Variants in CNTN1 observed in about 807,000 individuals in gnomAD.
The protein encoded by CNTN1 is contactin 1.
A neutral mutation model predicts 126.4 loss-of-function variants in CNTN1; 38 were observed. The ratio of observed to expected loss-of-function variants is 0.30; its 90% CI spans 0.23 to 0.39. CNTN1 has a LOEUF of 0.39. CNTN1 is among the 10% of genes least tolerant of loss of function. CNTN1 has a pLI of 1.00. For synonymous variants in CNTN1, 413 were observed against 422.6 expected (o/e 0.98, Z 0.28); for missense variants, 1,009 against 1,248.4 (o/e 0.81, Z 2.89).
chr12:41,037,487 G>A (rs1434687), intron 23 of CNTN1, among the ~76,000 whole-genome samples: 95,938 of 151,904 alleles, frequency 0.63, 31,726 homozygotes, highest in African/African-American at 0.84. Context: ...AGAGCAATAG[G>A]TTATAAATAC....
At chr12:40,900,097 AG>A (rs1400833071) in intron 1 of CNTN1, among the ~76,000 whole-genome samples, 1 of 152,162 alleles carries the variant, frequency 6.6e-6, no homozygotes, top group Non-Finnish European at 1.5e-5. Flanking sequence ...AAAAATCTTA[AG>A]GCTTTGACAG....
chr12:40,766,152 G>A (rs1166360984), intron 1 of CNTN1, among the ~76,000 whole-genome samples: 3 of 152,084 alleles, frequency 2.0e-5, no homozygotes, highest in African/African-American at 7.2e-5. Flanking sequence ...GAGGTCAAGG[G>A]TTCGAGATCA....
At position 40,862,399 on chromosome 12, in the gene CNTN1, G is replaced by A. The variant is rs559576701; in HGVS notation, c.-76-45958G>A. ...TACTGCCTTTCACATTTCTTAAAATGTGGGTTTCCCTTTATGGGGTTTACA... is the reference window on the plus strand; with the variant it reads ...TACTGCCTTTCACATTTCTTAAAATATGGGTTTCCCTTTATGGGGTTTACA... On this transcript the variant is annotated intron_variant, in intron 1 of 23. Coordinates refer to ENST00000551295, the MANE Select transcript of CNTN1 (RefSeq NM_001843.4). 2.2e-4 allele frequency among the ~76,000 whole-genome samples: 33 copies of A among 152,200 alleles called. No individual in the cohort carries two copies. The South Asian group carries it at 6.2e-3, about 29-fold the overall frequency.
chr12:40,997,927 G>C (rs915854612), intron 17 of CNTN1, among the ~76,000 whole-genome samples: 2 of 152,052 alleles, frequency 1.3e-5, no homozygotes, highest in Non-Finnish European at 2.9e-5. Flanking sequence ...ACTGGAATCT[G>C]ATTTTATTCA....
chr12:40,754,529 T>A (rs377141827), intron 1 of CNTN1, among the ~76,000 whole-genome samples: 1 of 152,244 alleles, frequency 6.6e-6, no homozygotes, highest in East Asian at 1.9e-4. Flanking sequence ...TCCTTTTTTA[T>A]CCACAGTTGT....
At chr12:40,794,540 A>G (rs924039862) in intron 1 of CNTN1, among the ~76,000 whole-genome samples, 1 of 152,040 alleles carries the variant, frequency 6.6e-6, no homozygotes, top group Non-Finnish European at 1.5e-5. Context: ...TTTTACCTAA[A>G]TGATATATTG....
chr12:40,886,127 C>T (rs148252493), intron 1 of CNTN1, among the ~76,000 whole-genome samples: 578 of 151,974 alleles, frequency 3.8e-3, no homozygotes, highest in African/African-American at 0.013. Flanking sequence ...ATAATCATAC[C>T]GTATGCAAAA....
chr12:40,993,580 T>G (rs1486471790), intron 17 of CNTN1, among the ~76,000 whole-genome samples: 1 of 152,194 alleles, frequency 6.6e-6, no homozygotes, highest in East Asian at 1.9e-4. Context: ...ATGACGTAAG[T>G]ATTTAGATTA....
At chr12:41,049,604 G>A (rs1360146585) in intron 23 of CNTN1, among the ~76,000 whole-genome samples, 1 of 152,180 alleles carries the variant, frequency 6.6e-6, no homozygotes, top group Non-Finnish European at 1.5e-5. Context: ...CCATCTAATT[G>A]TGCTCTTCGC....
intron 2 of CNTN1, 137 bp downstream of exon 2, chr12:40,908,630 A>C: frequency 1.7e-6 from 1 of 592,804 alleles, no homozygotes; most frequent in Non-Finnish European, 2.9e-6. Flanking sequence ...ATATGTATCA[A>C]GGGTGACCCT....
intron 15 of CNTN1, among the ~76,000 whole-genome samples, chr12:40,978,437 T>A (rs1226368697): frequency 6.6e-6 from 1 of 152,024 alleles, no homozygotes; most frequent in Non-Finnish European, 1.5e-5. Context: ...CACCTCTTCA[T>A]GATGATATAG....
Position 40,818,388 on chromosome 12 carries a change from T to G in CNTN1, c.-76-89969T>G, listed in dbSNP as rs114891440. Among the ~76,000 whole-genome samples the G allele has an allele frequency of 6.8e-3, 1,036 of 152,232 alleles. 9 individuals are homozygous for G. The highest frequency in any genetic ancestry group is 0.024 in the African/African-American group (982 of 41,550). On this transcript the variant is annotated intron_variant, in intron 1 of 23. Transcript: ENST00000551295. Reference sequence around the variant, plus strand: ...TCCTTTTCATTCTTTTTTTCTCTATTCTTGTCCGCATGTTTTATTTCAGTA... The same window carrying G: ...TCCTTTTCATTCTTTTTTTCTCTATGCTTGTCCGCATGTTTTATTTCAGTA...
rs147601548 is a variant in CNTN1 at position 41,042,017 on chromosome 12, G to A, written c.2980+12798G>A. 3.9e-3 allele frequency among the ~76,000 whole-genome samples: 592 copies of A among 151,956 alleles called. 7 individuals carry two copies. The highest frequency in any genetic ancestry group is 0.014 in the African/African-American group (569 of 41,440). On this transcript the variant is annotated intron_variant, in intron 23 of 23. Coordinates refer to ENST00000551295, the MANE Select transcript of CNTN1 (RefSeq NM_001843.4). ...TTTTAATTGTGATGTTAGGGTGTCA[G>A]TTTTGGATCTTTCCTGCTTTCTCTT...
At chr12:41,014,322 A>G (rs1249227963) in intron 18 of CNTN1, 24 bp downstream of exon 18, 1 of 1,611,428 alleles carries the variant, frequency 6.2e-7, no homozygotes. Context: ...AGTTGCACAT[A>G]TTATAGGTTG....
intron 23 of CNTN1, among the ~76,000 whole-genome samples, chr12:41,033,148 TTCTA>T (rs555859843): frequency 4.1e-4 from 62 of 152,358 alleles, no homozygotes; most frequent in South Asian, 3.1e-3. Context: ...GTAACTGCAC[TTCTA>T]TCTGACTTGA....
chr12:41,030,663 T>C (rs985130573), intron 23 of CNTN1, among the ~76,000 whole-genome samples: 1 of 152,160 alleles, frequency 6.6e-6, no homozygotes. Context: ...ATAATACTTT[T>C]AGAGTCCATT....
chr12:40,978,345 A>G (rs1307173376), intron 15 of CNTN1, among the ~76,000 whole-genome samples: 1 of 147,182 alleles, frequency 6.8e-6, no homozygotes, highest in Non-Finnish European at 1.5e-5. Context: ...ACTTCATATC[A>G]GTGGAACCAT....
At chr12:41,051,019 C>G (rs1223602341) in intron 23 of CNTN1, among the ~76,000 whole-genome samples, 1 of 152,116 alleles carries the variant, frequency 6.6e-6, no homozygotes, top group Non-Finnish European at 1.5e-5. Context: ...CATGTTGGCC[C>G]TATTGAGAAT....
chr12:40,860,119 A>G (rs1309798905), intron 1 of CNTN1, among the ~76,000 whole-genome samples: 2 of 152,192 alleles, frequency 1.3e-5, no homozygotes, highest in African/African-American at 4.8e-5. Context: ...GGATTTTTAA[A>G]CTCATTAGGC....
Sources: gnomAD v4.1 joint callset for allele counts (sites outside exome capture counted in the v4.1 genomes callset) on GRCh38, gnomAD v4.1.1 for gene constraint, MANE v1.5 for transcripts, NCBI Gene and HGNC (gene_info 2026-07-23, HGNC 2026-07-21) for gene names.